The following PPP4C variants were observed in gnomAD, a reference collection of about 807,000 sequenced individuals.
PPP4C encodes serine/threonine-protein phosphatase 4 catalytic subunit.
Under a neutral mutation model 40.5 loss-of-function variants are expected in PPP4C, and 10 were observed. That is an observed-to-expected ratio of 0.25 (90% CI 0.15 to 0.42). The LOEUF is 0.42. PPP4C is among the 10% of genes least tolerant of loss of function. The probability of loss-of-function intolerance (pLI) is 1.00; values close to 1 mark genes in which losing one functional copy is unlikely to be tolerated. For missense variants in PPP4C, 191 were observed against 416.4 expected (o/e 0.46, Z 4.71); for synonymous variants, 187 against 163.6 (o/e 1.14, Z -1.09).
intron 2 of PPP4C, among the ~76,000 whole-genome samples, chr16:30,077,948 G>C (rs1225606527): frequency 5.3e-5 from 8 of 152,206 alleles, no homozygotes; most frequent in Admixed American, 3.3e-4. Context: ...AGCAGGGTCG[G>C]CCTCTTTTTC....
Position 30,081,241 on chromosome 16 carries a change from G to C in PPP4C, c.99-18G>C, listed in dbSNP as rs375588036. On this transcript the variant is annotated intron_variant, in intron 2 of 8. Transcript: ENST00000279387. ...GGCTGGCCTGGCTGTGGTGACCCTG[G>C]TCTTCTCCTGTCTCCAGAGAGATCT... is the stretch of plus-strand genomic sequence containing the variant. 182 of 1,613,388 alleles carry C rather than the reference G, an allele frequency of 1.1e-4. 1 individual carries two copies. Among genetic ancestry groups the C allele is most frequent in the Non-Finnish European group, 1.5e-4 (180 of 1,179,780 alleles).
intron 2 of PPP4C, among the ~76,000 whole-genome samples, chr16:30,078,952 G>GCTGGAATCTGGGC (rs2072453918): frequency 6.6e-6 from 1 of 152,174 alleles, no homozygotes; most frequent in Admixed American, 6.5e-5. Flanking sequence ...CAGAACTGGG[G>GCTGGAATCTGGGC]CTGGAATCTG....
Position 30,084,796 on chromosome 16 carries a change from C to T in PPP4C, c.735C>T (p.Tyr245=). 1 of 1,614,262 alleles carries T rather than the reference C, an allele frequency of 6.2e-7. No homozygotes were observed. Among genetic ancestry groups the T allele is most frequent in the Non-Finnish European group, 8.5e-7 (1 of 1,180,046 alleles). The part of the protein sequence containing the change: ...CRAHQLVMEG[Y]KWHFNETVLT... The stretch of plus-strand genomic sequence containing the variant: ...CCCACCAACTGGTGATGGAAGGTTA[C>T]AAGTGGCACTTCAATGAGACGGTGC... Residue 245 remains tyrosine (Y), a synonymous_variant, in exon 8 of 9, where the codon TAC becomes TAT. Coordinates refer to ENST00000279387, the MANE Select transcript of PPP4C (RefSeq NM_002720.3).
In PPP4C at chr16:30,085,067, G is replaced by GC. The variant is rs2072594276; in HGVS notation, c.*8dup. On this transcript the variant is annotated 3_prime_UTR_variant, in exon 9 of 9. Transcript: ENST00000279387. Reference sequence around the variant, plus strand: ...GTGGCCGACTACTTCCTGTGACCCCGCCCGGCCCCTGCCCCCTCCAACCCT... The same window carrying GC: ...GTGGCCGACTACTTCCTGTGACCCCGCCCCGGCCCCTGCCCCCTCCAACCCT... The GC allele has an allele frequency of 6.2e-7, 1 of 1,606,846 alleles. No homozygotes were observed. The highest frequency in any genetic ancestry group is 1.7e-5 in the Admixed American group (1 of 59,922).
In PPP4C at chr16:30,076,369, G is replaced by C. The variant is rs1360876323; in HGVS notation, c.-9G>C. ...CGGCCCCGACTCTGACCCGCGCCGG[G>C]GGTGGGCCATGGCGGAGATCAGCGA... is the stretch of plus-strand genomic sequence containing the variant. On this transcript the variant is annotated 5_prime_UTR_variant, in exon 2 of 9. Transcript: ENST00000279387. 2 of 1,612,272 alleles carry C rather than the reference G, an allele frequency of 1.2e-6. No homozygotes were observed. The highest frequency in any genetic ancestry group is 1.3e-5 in the African/African-American group (1 of 74,922).
At chr16:30,081,860 C>T (rs2072514331) in intron 3 of PPP4C, among the ~76,000 whole-genome samples, 3 of 152,220 alleles carry the variant, frequency 2.0e-5, no homozygotes, top group Non-Finnish European at 4.4e-5. Context: ...CGAGACCATC[C>T]TGGCTAACAT....
rs2072585795 is a variant in PPP4C, at chr16:30,084,691, C to T, written c.630C>T (p.Pro210=). 5.0e-6 allele frequency: 8 copies of T among 1,614,228 alleles called. No homozygotes were observed. Among genetic ancestry groups the T allele is most frequent in the Non-Finnish European group, 6.8e-6 (8 of 1,180,030 alleles). The change falls in exon 8 of 9, where the codon CCC becomes CCT. Residue 210 remains proline, a synonymous_variant. Coordinates refer to ENST00000279387, the MANE Select transcript of PPP4C (RefSeq NM_002720.3). ...ACACCACAGGCTGGGGCGTGAGCCC[C>T]CGAGGAGCCGGCTACCTATTTGGCA... ...PEDTTGWGVS[P]RGAGYLFGSD...
intron 2 of PPP4C, among the ~76,000 whole-genome samples, chr16:30,080,206 G>C (rs1263189492): frequency 6.6e-6 from 1 of 151,690 alleles, no homozygotes; most frequent in Admixed American, 6.6e-5. Flanking sequence ...TTAGCTGGGC[G>C]TGGTGGTACA....
intron 3 of PPP4C, 25 bp from the exon 4 acceptor site, chr16:30,082,459 C>T (rs367778579): frequency 6.2e-7 from 1 of 1,610,606 alleles, no homozygotes; most frequent in Admixed American, 1.7e-5. Flanking sequence ...GCTTGAGTTC[C>T]AACCCCACTC....
chr16:30,077,752 T>A (rs942824940), intron 2 of PPP4C, among the ~76,000 whole-genome samples: 1 of 152,212 alleles, frequency 6.6e-6, no homozygotes, highest in Non-Finnish European at 1.5e-5. Context: ...TCCTATGAGG[T>A]TGGAATCATT....
intron 2 of PPP4C, among the ~76,000 whole-genome samples, chr16:30,080,901 C>G (rs1256805769): frequency 6.6e-6 from 1 of 152,136 alleles, no homozygotes; most frequent in African/African-American, 2.4e-5. Flanking sequence ...TGTGATTGGC[C>G]AAGGGTGACT....
chr16:30,084,663 C>G lies in PPP4C; in HGVS notation c.605-3C>G. On this transcript the variant is annotated splice_polypyrimidine_tract_variant and splice_region_variant and intron_variant, in intron 7 of 8. Transcript: ENST00000279387. Reference sequence around the variant, plus strand: ...CCTCTCCATCCCTCCCTTTCCGCATCAGACACCACAGGCTGGGGCGTGAGC... The same window carrying G: ...CCTCTCCATCCCTCCCTTTCCGCATGAGACACCACAGGCTGGGGCGTGAGC... 6.2e-7 allele frequency: 1 copy of G among 1,613,846 alleles called. No individual in the cohort carries two copies. The highest frequency in any genetic ancestry group is 2.2e-5 in the East Asian group (1 of 44,878).
Position 30,077,537 on chromosome 16 carries a change from C to G in PPP4C, c.98+1062C>G, listed in dbSNP as rs573537578. Reference sequence around the variant, plus strand: ...ATGTAACAGTGGAGGCCCTGAGATGCGTGGGGAACAGTCAGGGGTTTAATT... The same window carrying G: ...ATGTAACAGTGGAGGCCCTGAGATGGGTGGGGAACAGTCAGGGGTTTAATT... On this transcript the variant is annotated intron_variant, in intron 2 of 8. Transcript: ENST00000279387. 5.9e-5 allele frequency among the ~76,000 whole-genome samples: 9 copies of G among 152,188 alleles called. No homozygotes were observed. The South Asian group carries it at 1.9e-3, about 32-fold the overall frequency.
chr16:30,078,312 C>T (rs905392170), intron 2 of PPP4C, among the ~76,000 whole-genome samples: 1 of 152,160 alleles, frequency 6.6e-6, no homozygotes, highest in Non-Finnish European at 1.5e-5. Context: ...ATGTCTTGCC[C>T]AACATCACGC....
At chr16:30,077,570 T>G (rs1323313380) in intron 2 of PPP4C, among the ~76,000 whole-genome samples, 1 of 152,144 alleles carries the variant, frequency 6.6e-6, no homozygotes, top group Non-Finnish European at 1.5e-5. Flanking sequence ...ATTACCTGCC[T>G]CCTCTGGGGA....
chr16:30,083,709 C>T lies in PPP4C; in HGVS notation c.532C>T (p.Arg178Trp), dbSNP rs2072555344. ...CTCCATCCAGACCCTGGATCAGATT[C>T]GGACAATCGACCGAAAGCAAGAGGT... ...SPSIQTLDQI[R>W]TIDRKQEVPH... The change falls in exon 7 of 9, where the codon CGG becomes TGG. Residue 178 changes from arginine (R) to tryptophan (W), a missense_variant. Transcript: ENST00000279387. The surrounding 1 kb of genome is among the most constrained non-coding windows in gnomAD (Gnocchi z 6.3). 1.2e-6 allele frequency: 2 copies of T among 1,614,188 alleles called. No homozygotes were observed. The highest frequency in any genetic ancestry group is 1.7e-6 in the Non-Finnish European group (2 of 1,180,016).
At chr16:30,076,625 T>A in intron 2 of PPP4C, 150 bp downstream of exon 2, 1 of 740,226 alleles carries the variant, frequency 1.4e-6, no homozygotes, top group Non-Finnish European at 2.3e-6. Context: ...GAGGAAAAGC[T>A]AGCCTGCTCG....
At chr16:30,078,679 G>A (rs1395291764) in intron 2 of PPP4C, among the ~76,000 whole-genome samples, 1 of 151,346 alleles carries the variant, frequency 6.6e-6, no homozygotes, top group Non-Finnish European at 1.5e-5. Flanking sequence ...GAAGCACAGA[G>A]GTCCGCAGTG....
chr16:30,077,001 C>G (rs913820615), intron 2 of PPP4C, among the ~76,000 whole-genome samples: 46 of 152,132 alleles, frequency 3.0e-4, no homozygotes, highest in Middle Eastern at 3.4e-3. Context: ...GTGTCCTGTC[C>G]TTTTTCAGGC....
Sources: gnomAD v4.1 joint callset for allele counts (sites outside exome capture counted in the v4.1 genomes callset) on GRCh38, gnomAD v4.1.1 for gene constraint, Gnocchi (gnomAD v3.1) non-coding constraint, MANE v1.5 for transcripts, NCBI Gene and HGNC (gene_info 2026-07-23, HGNC 2026-07-21) for gene names.